BRIP1: variants seen among roughly 807,000 people sequenced by gnomAD.
BRIP1 encodes the protein Fanconi anemia group J protein.
A neutral mutation model predicts 119.7 loss-of-function variants in BRIP1; 88 were observed. That is an observed-to-expected ratio of 0.74 (90% CI 0.62 to 0.88). BRIP1 has a LOEUF of 0.88. BRIP1 is among the 40% of genes least tolerant of loss of function. The pLI is 0.00. For missense variants in BRIP1, 1,259 were observed against 1,455.4 expected (o/e 0.87, Z 2.20); for synonymous variants, 443 against 496.5 (o/e 0.89, Z 1.43).
intron 11 of BRIP1, among the ~76,000 whole-genome samples, chr17:61,781,550 C>T (rs1424852402): frequency 6.6e-6 from 1 of 152,158 alleles, no homozygotes; most frequent in East Asian, 1.9e-4. Context: ...AATGAAGGTG[C>T]TGAACCAGAT....
chr17:61,734,965 A>C lies in BRIP1; in HGVS notation c.2379+8048T>G, dbSNP rs1209638192. ...AGAAATAGGTTGTTTCGTTTCTATA[A>C]GGTAGAACATTTAAATTTTTATTTA... On this transcript the variant is annotated intron_variant, in intron 16 of 19. Transcript: ENST00000259008. The surrounding 1 kb of genome is among the most constrained non-coding windows in gnomAD (Gnocchi z 5.2). Among the ~76,000 whole-genome samples the C allele has an allele frequency of 6.6e-6, 1 of 152,234 alleles. No individual in the cohort carries two copies. The highest frequency in any genetic ancestry group is 1.5e-5 in the Non-Finnish European group (1 of 68,036).
At position 61,690,155 on chromosome 17, in the gene BRIP1, T is replaced by G. The variant is rs919426623; in HGVS notation, c.2575+3275A>C. ...AAAATGAATAGGAGGTAAAAACTTT[T>G]CCAGATAAGCAAAAGCTGAGGGACT... is the stretch of plus-strand genomic sequence containing the variant. On this transcript the variant is annotated intron_variant, in intron 18 of 19. Coordinates refer to ENST00000259008, the MANE Select transcript of BRIP1 (RefSeq NM_032043.3). The surrounding 1 kb of genome is among the most constrained non-coding windows in gnomAD (Gnocchi z 5.6). 1.3e-5 allele frequency among the ~76,000 whole-genome samples: 2 copies of G among 152,202 alleles called. No individual in the cohort carries two copies. Among genetic ancestry groups the G allele is most frequent in the African/African-American group, 4.8e-5 (2 of 41,446 alleles).
intron 9 of BRIP1, among the ~76,000 whole-genome samples, chr17:61,797,128 G>A (rs1446266937): frequency 6.6e-6 from 1 of 151,914 alleles, no homozygotes; most frequent in Non-Finnish European, 1.5e-5. Flanking sequence ...AGAGGCTGAA[G>A]CTAGAGACAT....
In BRIP1 at chr17:61,709,277, C is replaced by T. The variant is rs1364220522; in HGVS notation, c.2492+6674G>A. Among the ~76,000 whole-genome samples the T allele has an allele frequency of 6.6e-6, 1 of 152,102 alleles. No individual in the cohort carries two copies. The highest frequency in any genetic ancestry group is 6.6e-5 in the Admixed American group (1 of 15,264). ...TCCAGTGTTCAAAATGTGTTGATATCGCTTGTCTGTCACTGTCTCCTCTCT... is the reference window on the plus strand; with the variant it reads ...TCCAGTGTTCAAAATGTGTTGATATTGCTTGTCTGTCACTGTCTCCTCTCT... On this transcript the variant is annotated intron_variant, in intron 17 of 19. Coordinates refer to ENST00000259008, the MANE Select transcript of BRIP1 (RefSeq NM_032043.3). This position sits in a 1 kb window ranked among gnomAD's most constrained non-coding sequence, Gnocchi z 5.0.
rs2076895974 is a variant in BRIP1, at chr17:61,734,777, G to T, written c.2379+8236C>A. Among the ~76,000 whole-genome samples the T allele has an allele frequency of 6.6e-6, 1 of 152,260 alleles. No individual in the cohort carries two copies. The highest frequency in any genetic ancestry group is 1.9e-4 in the East Asian group (1 of 5,188). On this transcript the variant is annotated intron_variant, in intron 16 of 19. Transcript: ENST00000259008. The surrounding 1 kb of genome is among the most constrained non-coding windows in gnomAD (Gnocchi z 5.2). Reference sequence around the variant, plus strand: ...AAGTCTTATGTTAGTATTTTAAACTGTATTTTAACTTTTACTTCCATAATC... The same window carrying T: ...AAGTCTTATGTTAGTATTTTAAACTTTATTTTAACTTTTACTTCCATAATC...
rs1603285534 is a variant in BRIP1, at chr17:61,701,144, A to C, written c.2493-7632T>G. Among the ~76,000 whole-genome samples the C allele has an allele frequency of 6.6e-6, 1 of 152,302 alleles. No individual in the cohort carries two copies. The highest frequency in any genetic ancestry group is 1.9e-4 in the East Asian group (1 of 5,192). On this transcript the variant is annotated intron_variant, in intron 17 of 19. Transcript: ENST00000259008. The surrounding 1 kb of genome is among the most constrained non-coding windows in gnomAD (Gnocchi z 5.1). ...AGGCATAGCTTTGTCTACTAAGACAAATGTCTGGGTTTCCTCAGGGAGAGT... is the reference window on the plus strand; with the variant it reads ...AGGCATAGCTTTGTCTACTAAGACACATGTCTGGGTTTCCTCAGGGAGAGT...
intron 8 of BRIP1, 112 bp downstream of exon 8, chr17:61,801,141 T>C: frequency 1.1e-6 from 1 of 951,166 alleles, no homozygotes. Context: ...TTTACACAAA[T>C]TTATTTACAT....
chr17:61,742,421 G>C lies in BRIP1; in HGVS notation c.2379+592C>G, dbSNP rs935644261. 1.3e-5 allele frequency among the ~76,000 whole-genome samples: 2 copies of C among 152,196 alleles called. No individual in the cohort carries two copies. Among genetic ancestry groups the C allele is most frequent in the Non-Finnish European group, 2.9e-5 (2 of 68,034 alleles). On this transcript the variant is annotated intron_variant, in intron 16 of 19. Transcript: ENST00000259008. The surrounding 1 kb of genome is among the most constrained non-coding windows in gnomAD (Gnocchi z 4.7). ...CAATATGGCTAATTGGTTGGTGCAA[G>C]AGGCCTAGCTTTTGTCTTGTCTCAG...
rs2076768543 is a variant in BRIP1 at position 61,726,562 on chromosome 17, T to C, written c.2380-10499A>G. ...TTATTCAATGTTTGGCACATAACTT[T>C]AGGTGACTTAAAAAGTAAGTTTCTT... On this transcript the variant is annotated intron_variant, in intron 16 of 19. Coordinates refer to ENST00000259008, the MANE Select transcript of BRIP1 (RefSeq NM_032043.3). This position sits in a 1 kb window ranked among gnomAD's most constrained non-coding sequence, Gnocchi z 6.2. Among the ~76,000 whole-genome samples the C allele has an allele frequency of 6.6e-6, 1 of 152,236 alleles. No homozygotes were observed. The highest frequency in any genetic ancestry group is 6.5e-5 in the Admixed American group (1 of 15,280).
rs975601288 is a variant in BRIP1 at position 61,770,171 on chromosome 17, T to C, written c.2097+6230A>G. 1.3e-5 allele frequency among the ~76,000 whole-genome samples: 2 copies of C among 152,166 alleles called. No individual in the cohort carries two copies. The highest frequency in any genetic ancestry group is 4.8e-5 in the African/African-American group (2 of 41,448). ...TAATCTTATGATATGAATGAAGAGC[T>C]CAGAAACACTTGTGAAGGTCACAGG... On this transcript the variant is annotated intron_variant, in intron 14 of 19. Transcript: ENST00000259008. The surrounding 1 kb of genome is among the most constrained non-coding windows in gnomAD (Gnocchi z 4.7).
intron 16 of BRIP1, among the ~76,000 whole-genome samples, chr17:61,727,786 C>A (rs1277126180): frequency 2.7e-5 from 4 of 146,528 alleles, no homozygotes; most frequent in African/African-American, 1.0e-4. Context: ...CTCTCTCTCT[C>A]TCTCTATATA....
chr17:61,728,938 A>C (rs1185142833), intron 16 of BRIP1, among the ~76,000 whole-genome samples: 1 of 152,208 alleles, frequency 6.6e-6, no homozygotes, highest in Non-Finnish European at 1.5e-5. Context: ...TTAGATAAAG[A>C]TCTTTTAAAA....
At chr17:61,764,549 T>C (rs550107840) in intron 14 of BRIP1, among the ~76,000 whole-genome samples, 1 of 152,254 alleles carries the variant, frequency 6.6e-6, no homozygotes, top group African/African-American at 2.4e-5. Context: ...GGTGCCAATA[T>C]GAAACTGTCA....
At chr17:61,727,995 A>T (rs545865692) in intron 16 of BRIP1, among the ~76,000 whole-genome samples, 1 of 151,648 alleles carries the variant, frequency 6.6e-6, no homozygotes, top group African/African-American at 2.4e-5. Flanking sequence ...CGCCCGGCTA[A>T]TTTTTGTATT....
chr17:61,683,700 T>C lies in BRIP1; in HGVS notation c.3346A>G (p.Thr1116Ala). ...TCTGTTTCAAAATCTCTATTTGAAG[T>C]GGACTGTTTATCTTCTTCACTTACT... ...SLVSEEDKQS[T>A]SNRDFETEAE... The change falls in exon 20 of 20, where the codon ACT (threonine) becomes GCT (alanine). Residue 1116 changes from threonine to alanine, a missense_variant. Physicochemically the swap from Thr to Ala is moderately conservative, Grantham distance 58 (BLOSUM62 0). Around this residue, in one of 3 missense-constraint regions of BRIP1, gnomAD observed 753 missense variants for 891.8 expected, o/e 0.84. Transcript: ENST00000259008. This position sits in a 1 kb window ranked among gnomAD's most constrained non-coding sequence, Gnocchi z 4.7. 6.2e-7 allele frequency: 1 copy of C among 1,613,992 alleles called. No individual in the cohort carries two copies. The highest frequency in any genetic ancestry group is 8.5e-7 in the Non-Finnish European group (1 of 1,179,958).
chr17:61,731,077 C>T (rs2076837283), intron 16 of BRIP1, among the ~76,000 whole-genome samples: 1 of 139,212 alleles, frequency 7.2e-6, no homozygotes, highest in African/African-American at 2.7e-5. Flanking sequence ...GCCAAACTAT[C>T]TTAAAAAAAA....
Position 61,730,532 on chromosome 17 carries a change from A to G in BRIP1, c.2379+12481T>C, listed in dbSNP as rs1030859225. Among the ~76,000 whole-genome samples the G allele has an allele frequency of 3.9e-5, 6 of 152,258 alleles. No individual in the cohort carries two copies. The highest frequency in any genetic ancestry group is 1.4e-4 in the African/African-American group (6 of 41,548). ...GATAATTTCACTTTTAAATCCTCCA[A>G]CCTAGTTTGAGAGCAAAATTAATAT... is the stretch of plus-strand genomic sequence containing the variant. On this transcript the variant is annotated intron_variant, in intron 16 of 19. Coordinates refer to ENST00000259008, the MANE Select transcript of BRIP1 (RefSeq NM_032043.3). The surrounding 1 kb of genome is among the most constrained non-coding windows in gnomAD (Gnocchi z 4.3).
chr17:61,783,477 A>AGTACAAT (rs2077654685), intron 11 of BRIP1, among the ~76,000 whole-genome samples: 1 of 152,208 alleles, frequency 6.6e-6, no homozygotes, highest in South Asian at 2.1e-4. Flanking sequence ...TCTGGAAATG[A>AGTACAAT]GTACAATGTA....
intron 11 of BRIP1, among the ~76,000 whole-genome samples, chr17:61,781,829 G>C (rs1051419034): frequency 6.6e-6 from 1 of 151,602 alleles, no homozygotes; most frequent in East Asian, 1.9e-4. Flanking sequence ...GCTGAGGCAG[G>C]AGAATCACTT....
Sources: allele counts gnomAD v4.1 joint callset (sites outside exome capture counted in the v4.1 genomes callset), GRCh38; gene constraint gnomAD v4.1.1; regional missense constraint gnomAD v4.1.1; non-coding constraint Gnocchi (gnomAD v3.1); transcripts MANE v1.5; gene names NCBI Gene and HGNC (gene_info 2026-07-23, HGNC 2026-07-21).